DPP6: variants seen among roughly 807,000 people sequenced by gnomAD.
DPP6 encodes A-type potassium channel modulatory protein DPP6.
A neutral mutation model predicts 122.6 loss-of-function variants in DPP6; 69 were observed. The observed-to-expected ratio is 0.56, with a 90% CI of 0.46 to 0.69. DPP6 has a LOEUF of 0.69. DPP6 is among the 30% of genes least tolerant of loss of function. The pLI is 0.00. For synonymous variants in DPP6, 418 were observed against 433.1 expected (o/e 0.97, Z 0.43); for missense variants, 928 against 1,116.9 (o/e 0.83, Z 2.41).
chr7:154,245,685 C>A, intron 1 of DPP6, among the ~76,000 whole-genome samples: 1 of 144,194 alleles, frequency 6.9e-6, no homozygotes, highest in Non-Finnish European at 1.5e-5. Flanking sequence ...AAAATGTAGA[C>A]TTCGAGATAA....
intron 1 of DPP6, among the ~76,000 whole-genome samples, chr7:154,443,534 G>GA (rs879727179): frequency 0.15 from 22,271 of 143,986 alleles, 3,806 homozygotes; most frequent in African/African-American, 0.34. Flanking sequence ...ATGGATGGAT[G>GA]GATGGATGAG....
chr7:154,508,093 C>T (rs770392862), intron 3 of DPP6, among the ~76,000 whole-genome samples: 2 of 152,264 alleles, frequency 1.3e-5, no homozygotes, highest in Non-Finnish European at 2.9e-5. Context: ...CTATATATAG[C>T]GTCTATTTCC....
intron 6 of DPP6, among the ~76,000 whole-genome samples, chr7:154,661,860 G>A (rs1330326079): frequency 6.9e-5 from 10 of 144,374 alleles, no homozygotes; most frequent in Admixed American, 1.4e-4. Context: ...TGGCCATAGT[G>A]TTCATATAGT....
chr7:154,583,005 A>T (rs1832179965), intron 5 of DPP6, among the ~76,000 whole-genome samples: 1 of 152,176 alleles, frequency 6.6e-6, no homozygotes, highest in African/African-American at 2.4e-5. Context: ...CTGTGGTTCC[A>T]GGTATTCCTC....
At chr7:154,459,805 C>CAAAAAAAAAAAAAAAAA (rs775605275) in intron 2 of DPP6, among the ~76,000 whole-genome samples, 11 of 63,020 alleles carry the variant, frequency 1.7e-4, no homozygotes, top group Admixed American at 3.3e-4. Flanking sequence ...GATTCCATCT[C>CAAAAAAAAAAAAAAAAA]AAAAAAAAAA....
chr7:154,501,120 G>T (rs1478696331), intron 3 of DPP6, among the ~76,000 whole-genome samples: 1 of 152,092 alleles, frequency 6.6e-6, no homozygotes, highest in Non-Finnish European at 1.5e-5. Context: ...GATGATTTAG[G>T]TTATCTGCTT....
At chr7:154,096,923 T>A (rs1805361677) in intron 1 of DPP6, among the ~76,000 whole-genome samples, 1 of 152,180 alleles carries the variant, frequency 6.6e-6, no homozygotes, top group African/African-American at 2.4e-5. Context: ...GTAGTTATGG[T>A]TATGTAGCAA....
At chr7:153,952,977 C>G (rs1289236395) in intron 1 of DPP6, among the ~76,000 whole-genome samples, 1 of 152,070 alleles carries the variant, frequency 6.6e-6, no homozygotes, top group African/African-American at 2.4e-5. Flanking sequence ...TAAACCTTTC[C>G]TAGAAGAATT....
intron 1 of DPP6, among the ~76,000 whole-genome samples, chr7:153,944,161 C>T (rs746755831): frequency 4.6e-5 from 7 of 152,188 alleles, no homozygotes; most frequent in Admixed American, 2.6e-4. Context: ...TTAGCACGCT[C>T]CTTCCAGCAC....
chr7:154,432,694 T>C (rs1818526770), intron 1 of DPP6, among the ~76,000 whole-genome samples: 2 of 152,240 alleles, frequency 1.3e-5, no homozygotes. Flanking sequence ...ATTATGGTGC[T>C]AGCCACAAAG....
intron 1 of DPP6, among the ~76,000 whole-genome samples, chr7:153,960,407 C>T (rs193145326): frequency 4.6e-5 from 7 of 152,146 alleles, no homozygotes; most frequent in East Asian, 3.9e-4. Flanking sequence ...TCTTAATAGC[C>T]GCACCCCAAG....
chr7:154,261,316 T>C (rs1353549467), intron 1 of DPP6, among the ~76,000 whole-genome samples: 2 of 152,234 alleles, frequency 1.3e-5, no homozygotes, highest in African/African-American at 4.8e-5. Flanking sequence ...ATTTATTTGC[T>C]GGGATAATTG....
At chr7:154,880,812 A>G in intron 20 of DPP6, 76 bp from the exon 21 acceptor site, 4 of 1,613,094 alleles carry the variant, frequency 2.5e-6, no homozygotes, top group Non-Finnish European at 3.4e-6. Context: ...GATGGAAAAC[A>G]TGGCTCTGGG....
intron 1 of DPP6, among the ~76,000 whole-genome samples, chr7:154,329,610 G>A (rs1350211074): frequency 2.6e-5 from 4 of 152,158 alleles, no homozygotes. Context: ...TTTAATCATG[G>A]AAGACAGTGT....
At chr7:154,170,924 C>T (rs1370856899) in intron 1 of DPP6, among the ~76,000 whole-genome samples, 1 of 152,164 alleles carries the variant, frequency 6.6e-6, no homozygotes, top group Non-Finnish European at 1.5e-5. Flanking sequence ...AGCACTCCCT[C>T]GGTGGGTGAG....
intron 1 of DPP6, among the ~76,000 whole-genome samples, chr7:154,414,302 C>A (rs1816844870): frequency 6.6e-6 from 1 of 152,190 alleles, no homozygotes; most frequent in Non-Finnish European, 1.5e-5. Flanking sequence ...TTTCCTCTTC[C>A]CTATCAATCA....
intron 8 of DPP6, among the ~76,000 whole-genome samples, chr7:154,729,950 C>T (rs926067742): frequency 2.6e-5 from 4 of 152,144 alleles, no homozygotes; most frequent in East Asian, 1.9e-4. Context: ...ATGGTGTGCC[C>T]GGAGATGTCC....
intron 1 of DPP6, among the ~76,000 whole-genome samples, chr7:153,978,317 T>G (rs1484921653): frequency 6.6e-6 from 1 of 152,232 alleles, no homozygotes; most frequent in African/African-American, 2.4e-5. Flanking sequence ...ATGGTGAGAT[T>G]TTTTTCATAT....
chr7:154,130,880 C>T (rs972691366), intron 1 of DPP6, among the ~76,000 whole-genome samples: 3 of 152,160 alleles, frequency 2.0e-5, no homozygotes, highest in African/African-American at 7.2e-5. Context: ...CGGAGCAGAT[C>T]ACCATGGAAA....
Sources: gnomAD v4.1 joint callset for allele counts (sites outside exome capture counted in the v4.1 genomes callset) on GRCh38, gnomAD v4.1.1 for gene constraint, MANE v1.5 for transcripts, NCBI Gene and HGNC (gene_info 2026-07-23, HGNC 2026-07-21) for gene names.